Variants in KATNA1 observed in about 807,000 individuals in gnomAD.
KATNA1 encodes katanin p60 ATPase-containing subunit A1.
Under a neutral mutation model 62.6 loss-of-function variants are expected in KATNA1, and 42 were observed. The ratio of observed to expected loss-of-function variants is 0.67; its 90% confidence interval spans 0.52 to 0.87. The LOEUF (loss-of-function observed/expected upper bound fraction) is 0.87. KATNA1 is among the 40% of genes least tolerant of loss of function. KATNA1 has a pLI of 0.00. For missense variants in KATNA1, 498 were observed against 612.5 expected (o/e 0.81, Z 1.97); for synonymous variants, 186 against 201.9 (o/e 0.92, Z 0.67).
chr6:149,637,834 AC>A (rs1252589531), intron 2 of KATNA1, among the ~76,000 whole-genome samples: 3 of 152,008 alleles, frequency 2.0e-5, no homozygotes, highest in Admixed American at 2.0e-4. Flanking sequence ...AACAAAAAAA[AC>A]CCCTCTTATT....
intron 3 of KATNA1, among the ~76,000 whole-genome samples, chr6:149,626,292 CTTTTTTTTT>C (rs544379629): frequency 5.6e-5 from 5 of 88,726 alleles, no homozygotes; most frequent in East Asian, 5.8e-4. Context: ...ATAACATTTA[CTTTTTTTTT>C]TTTTTTTTTT....
intron 3 of KATNA1, among the ~76,000 whole-genome samples, chr6:149,628,264 A>AT (rs554916406): frequency 0.36 from 46,352 of 129,484 alleles, 9,168 homozygotes; most frequent in East Asian, 0.8. Context: ...TGCCCGGCTA[A>AT]TTTTTTTTTT....
chr6:149,606,564 T>C (rs1380498952), intron 4 of KATNA1, among the ~76,000 whole-genome samples: 2 of 152,084 alleles, frequency 1.3e-5, no homozygotes, highest in Non-Finnish European at 2.9e-5. Flanking sequence ...CCACAATGTG[T>C]GTATTGAGCC....
chr6:149,604,888 C>T, intron 4 of KATNA1, 106 bp from the exon 5 acceptor site: 1 of 1,116,352 alleles, frequency 9.0e-7, no homozygotes, highest in Middle Eastern at 3.0e-4. Flanking sequence ...GCTAATACAT[C>T]ATTTGGCCAG....
chr6:149,604,586 A>C, intron 5 of KATNA1, 75 bp downstream of exon 5: 2 of 1,485,498 alleles, frequency 1.3e-6, no homozygotes, highest in East Asian at 2.3e-5. Flanking sequence ...TCTTCAGTAC[A>C]TGCTCACATT....
At chr6:149,646,508 C>T (rs1196494206) in intron 1 of KATNA1, among the ~76,000 whole-genome samples, 1 of 152,104 alleles carries the variant, frequency 6.6e-6, no homozygotes, top group Non-Finnish European at 1.5e-5. Context: ...AAACCACATG[C>T]TAATTTATAG....
At position 149,594,993 on chromosome 6, in the gene KATNA1, T is replaced by TCAAA. The variant is rs370265259; in HGVS notation, c.*39_*42dup. The stretch of plus-strand genomic sequence containing the variant: ...TACAATGAATTACTGCATTTAATAT[T>TCAAA]CAAACACTTAAGGCACATTTCTCAC... On this transcript the variant is annotated 3_prime_UTR_variant, in exon 11 of 11. Transcript: ENST00000367411. The TCAAA allele has an allele frequency of 4.4e-5, 66 of 1,483,770 alleles. No homozygotes were observed. In the African/African-American group the frequency reaches 6.2e-4, roughly 14 times the overall value. 91.9% of individuals were successfully genotyped at this position (1,483,770 alleles called of 1,614,324 possible).
rs572846351 is a variant in KATNA1 at position 149,630,011 on chromosome 6, G to A, written c.320+2748C>T. On this transcript the variant is annotated intron_variant, in intron 3 of 10. Coordinates refer to ENST00000367411, the MANE Select transcript of KATNA1 (RefSeq NM_007044.4). ...TGGCACACAGTAATATGCAATGATT[G>A]TTGACTATTATTAGGATTTTTCTTA... is the stretch of plus-strand genomic sequence containing the variant. 3.6e-4 allele frequency among the ~76,000 whole-genome samples: 55 copies of A among 152,256 alleles called. No individual in the cohort carries two copies. In the South Asian group the frequency reaches 0.01, roughly 29 times the overall value.
chr6:149,604,900 C>A, intron 4 of KATNA1, 118 bp from the exon 5 acceptor site: 1 of 916,476 alleles, frequency 1.1e-6, no homozygotes. Context: ...TTTGGCCAGG[C>A]GCAGTGGCTC....
chr6:149,603,124 C>T (rs1250700293), intron 6 of KATNA1, 144 bp downstream of exon 6: 19 of 473,538 alleles, frequency 4.0e-5, no homozygotes, highest in Non-Finnish European at 6.4e-5. Context: ...ACAAAATTCT[C>T]AGTAGCACAA....
At chr6:149,596,960 G>C (rs755847555) in intron 10 of KATNA1, 103 bp downstream of exon 10, 2 of 1,205,776 alleles carry the variant, frequency 1.7e-6, no homozygotes, top group South Asian at 1.4e-5. Flanking sequence ...CTACTCTCCA[G>C]TCTAGGCAAC....
chr6:149,636,864 A>T (rs1197968921), intron 2 of KATNA1, among the ~76,000 whole-genome samples: 3 of 151,190 alleles, frequency 2.0e-5, no homozygotes, highest in Admixed American at 6.6e-5. Flanking sequence ...CTGGTCTCGA[A>T]CTCCTGACCT....
intron 3 of KATNA1, among the ~76,000 whole-genome samples, chr6:149,625,121 T>C (rs1353329635): frequency 1.3e-5 from 2 of 152,270 alleles, no homozygotes; most frequent in African/African-American, 4.8e-5. Context: ...CCATAGAAGA[T>C]ATGAATACCA....
intron 3 of KATNA1, among the ~76,000 whole-genome samples, chr6:149,625,992 T>A (rs1476188009): frequency 6.6e-6 from 1 of 151,852 alleles, no homozygotes; most frequent in Admixed American, 6.6e-5. Flanking sequence ...TTTGGGAGGA[T>A]GATAACACCA....
intron 4 of KATNA1, among the ~76,000 whole-genome samples, chr6:149,622,801 A>G (rs1199419257): frequency 6.6e-6 from 1 of 151,548 alleles, no homozygotes; most frequent in Non-Finnish European, 1.5e-5. Context: ...CCTGAGGTAA[A>G]GAGTTCGAGA....
In KATNA1 at chr6:149,595,199, T is replaced by C; in HGVS notation, c.1313A>G (p.Glu438Gly). The part of the protein sequence containing the change: ...ASLMAMRRRI[E>G]GLTPEEIRNL... ...TCGGATTTCCTCTGGAGTCAAACCT[T>C]CAATGCGCCTTCTCATTGCCATCAA... The change falls in exon 11 of 11, where the codon GAA becomes GGA. Residue 438 changes from glutamate to glycine, a missense_variant. This residue lies in a region of KATNA1 where 267 missense variants were observed against 372.6 expected (regional missense o/e 0.72). Coordinates refer to ENST00000367411, the MANE Select transcript of KATNA1 (RefSeq NM_007044.4). 6.2e-7 allele frequency: 1 copy of C among 1,614,116 alleles called. No individual in the cohort carries two copies. The highest frequency in any genetic ancestry group is 8.5e-7 in the Non-Finnish European group (1 of 1,179,986).
At position 149,597,616 on chromosome 6, in the gene KATNA1, A is replaced by G; in HGVS notation, c.1041T>C (p.Asp347=). Residue 347 remains aspartate (D), a synonymous_variant, in exon 9 of 11, where the codon GAT becomes GAC. Coordinates refer to ENST00000367411, the MANE Select transcript of KATNA1 (RefSeq NM_007044.4). The part of the protein sequence containing the change: ...MDGVGGTSEN[D]DPSKMVMVLA... ...GAACCATAACCATTTTGGAAGGGTCATCATTTTCAGAAGTACCTCCAACAC... is the reference window on the plus strand; with the variant it reads ...GAACCATAACCATTTTGGAAGGGTCGTCATTTTCAGAAGTACCTCCAACAC... 6.2e-7 allele frequency: 1 copy of G among 1,614,024 alleles called. No homozygotes were observed. The highest frequency in any genetic ancestry group is 8.5e-7 in the Non-Finnish European group (1 of 1,179,906).
At chr6:149,637,044 ATT>A (rs1471761086) in intron 2 of KATNA1, among the ~76,000 whole-genome samples, 2 of 152,210 alleles carry the variant, frequency 1.3e-5, no homozygotes, top group East Asian at 3.9e-4. Context: ...CCAATTTTAA[ATT>A]TTTGTTAGTC....
At chr6:149,629,961 C>T (rs935504453) in intron 3 of KATNA1, among the ~76,000 whole-genome samples, 1 of 152,136 alleles carries the variant, frequency 6.6e-6, no homozygotes, top group Non-Finnish European at 1.5e-5. Flanking sequence ...TTAAATAATA[C>T]ATGTAAAACA....
Sources: gnomAD v4.1 joint callset for allele counts (sites outside exome capture counted in the v4.1 genomes callset) on GRCh38, gnomAD v4.1.1 for gene constraint, gnomAD v4.1.1 regional missense constraint, MANE v1.5 for transcripts, NCBI Gene and HGNC (gene_info 2026-07-23, HGNC 2026-07-21) for gene names.